HIRA: variants seen among roughly 807,000 people sequenced by gnomAD.
HIRA encodes the protein protein HIRA.
Under a neutral mutation model 126.6 loss-of-function variants are expected in HIRA, and 13 were observed. That is an observed-to-expected ratio of 0.10 (90% confidence interval 0.07 to 0.16). HIRA has a LOEUF of 0.16. HIRA is among the 10% of genes least tolerant of loss of function. HIRA has a pLI of 1.00. For missense variants in HIRA, 834 were observed against 1,314.4 expected (o/e 0.63, Z 5.65); for synonymous variants, 511 against 520.0 (o/e 0.98, Z 0.24).
At position 19,387,693 on chromosome 22, in the gene HIRA, C is replaced by T; in HGVS notation, c.1113+18G>A. On this transcript the variant is annotated intron_variant, in intron 11 of 24. Transcript: ENST00000263208. ...AATGGCCACAGAGCACCCAGCAGCA[C>T]AAGAGCCGTCAGCCTACCTTCTCCT... 6.2e-7 allele frequency: 1 copy of T among 1,605,198 alleles called. No individual in the cohort carries two copies. The highest frequency in any genetic ancestry group is 8.5e-7 in the Non-Finnish European group (1 of 1,172,774).
At chr22:19,331,648 G>C in intron 24 of HIRA, 92 bp from the exon 25 acceptor site, 1 of 1,182,016 alleles carries the variant, frequency 8.5e-7, no homozygotes, top group Non-Finnish European at 1.2e-6. Context: ...CCTTGTGTCT[G>C]CTCACGGGAG....
intron 13 of HIRA, among the ~76,000 whole-genome samples, chr22:19,379,647 A>G (rs1357036053): frequency 2.0e-5 from 3 of 149,740 alleles, no homozygotes; most frequent in Non-Finnish European, 3.0e-5. Context: ...AAAAAAAGAA[A>G]TACTTGATTT....
intron 6 of HIRA, 134 bp from the exon 7 acceptor site, chr22:19,397,081 C>CAGAA: frequency 1.4e-6 from 1 of 724,488 alleles, no homozygotes; most frequent in South Asian, 1.8e-5. Context: ...CAGACAGAAG[C>CAGAA]AGAAGGGCCT....
chr22:19,356,873 C>T lies in HIRA; in HGVS notation c.2396+17G>A. On this transcript the variant is annotated intron_variant, in intron 19 of 24. Transcript: ENST00000263208. ...TGCCCTGGCTGAAGCCCACCCCACC[C>T]TGTGCCTGCCTCTCACCAGACAGAG... is the stretch of plus-strand genomic sequence containing the variant. 1 of 1,612,922 alleles carries T rather than the reference C, an allele frequency of 6.2e-7. No individual in the cohort carries two copies. The highest frequency in any genetic ancestry group is 1.7e-5 in the Admixed American group (1 of 59,984).
At chr22:19,357,136 T>C in intron 18 of HIRA, 85 bp from the exon 19 acceptor site, 2 of 1,505,060 alleles carry the variant, frequency 1.3e-6, no homozygotes, top group Admixed American at 1.7e-5. Context: ...GCCTTCCCTC[T>C]GCCTGGGCCC....
chr22:19,409,879 G>A (rs2089338190), intron 2 of HIRA, among the ~76,000 whole-genome samples: 1 of 150,618 alleles, frequency 6.6e-6, no homozygotes, highest in Non-Finnish European at 1.5e-5. Context: ...CCACAGCATG[G>A]AAGGAGAGAA....
At chr22:19,356,831 C>T in intron 19 of HIRA, 59 bp downstream of exon 19, 2 of 1,540,470 alleles carry the variant, frequency 1.3e-6, no homozygotes, top group Non-Finnish European at 8.9e-7. Context: ...TGAGGTGGGG[C>T]CTACACAGCC....
At chr22:19,423,211 TC>T (rs1044807003) in intron 1 of HIRA, among the ~76,000 whole-genome samples, 49 of 152,204 alleles carry the variant, frequency 3.2e-4, no homozygotes, top group Middle Eastern at 6.8e-3. Flanking sequence ...AACCCGTCTA[TC>T]CCCCGCCTCT....
intron 1 of HIRA, among the ~76,000 whole-genome samples, chr22:19,428,165 A>C (rs2089503018): frequency 6.6e-6 from 1 of 152,226 alleles, no homozygotes; most frequent in African/African-American, 2.4e-5. Flanking sequence ...TTTTGAACCC[A>C]GTCTGATTCC....
intron 1 of HIRA, among the ~76,000 whole-genome samples, chr22:19,424,010 A>G (rs996748249): frequency 1.3e-5 from 2 of 152,200 alleles, no homozygotes; most frequent in African/African-American, 4.8e-5. Context: ...CAACTCTACC[A>G]GCCAAGGACA....
chr22:19,388,100 G>A (rs1448961010), intron 10 of HIRA, among the ~76,000 whole-genome samples: 1 of 151,948 alleles, frequency 6.6e-6, no homozygotes, highest in Admixed American at 6.6e-5. Flanking sequence ...TCTTACTTTT[G>A]AAACTATTAA....
chr22:19,360,627 C>A (rs2088854310), intron 17 of HIRA, among the ~76,000 whole-genome samples: 1 of 152,124 alleles, frequency 6.6e-6, no homozygotes, highest in African/African-American at 2.4e-5. Flanking sequence ...AGCTGAGGTA[C>A]AAGGGTATGC....
At chr22:19,418,569 T>C (rs2089417869) in intron 1 of HIRA, among the ~76,000 whole-genome samples, 1 of 135,364 alleles carries the variant, frequency 7.4e-6, no homozygotes, top group African/African-American at 2.9e-5. Flanking sequence ...GAGGCGGAGC[T>C]TGCAGTGAGC....
chr22:19,353,533 G>A lies in HIRA; in HGVS notation c.2685-14C>T, dbSNP rs781878303. ...TGCCTTCCCGAGCTGCAGAGACCAG[G>A]AGAGTTTCCATGATGGGGCAGCAGG... On this transcript the variant is annotated splice_polypyrimidine_tract_variant and intron_variant, in intron 22 of 24. Transcript: ENST00000263208. The A allele has an allele frequency of 1.9e-6, 3 of 1,589,326 alleles. No individual in the cohort carries two copies. Among genetic ancestry groups the A allele is most frequent in the Non-Finnish European group, 2.6e-6 (3 of 1,168,596 alleles).
intron 1 of HIRA, among the ~76,000 whole-genome samples, chr22:19,428,112 TAG>T (rs2089502439): frequency 1.3e-5 from 2 of 152,306 alleles, no homozygotes; most frequent in Admixed American, 1.3e-4. Flanking sequence ...GGCCCAGAAG[TAG>T]AGTTATAAGT....
intron 15 of HIRA, among the ~76,000 whole-genome samples, chr22:19,366,269 G>C (rs2088911955): frequency 2.6e-5 from 4 of 151,898 alleles, no homozygotes; most frequent in Admixed American, 2.6e-4. Flanking sequence ...GGCTGAGGCA[G>C]GAGAATGGCG....
At chr22:19,339,504 A>G (rs1556007040) in intron 24 of HIRA, among the ~76,000 whole-genome samples, 1 of 152,082 alleles carries the variant, frequency 6.6e-6, no homozygotes, top group African/African-American at 2.4e-5. Flanking sequence ...GGGTGTGGTG[A>G]CGCATGCCTG....
chr22:19,429,309 T>C lies in HIRA; in HGVS notation c.37+2131A>G, dbSNP rs181891592. ...CGTACCACCACGCCCAGCTAATTTT[T>C]GTATTTTTAGTAGAGACGGGGTTTC... On this transcript the variant is annotated intron_variant, in intron 1 of 24. Coordinates refer to ENST00000263208, the MANE Select transcript of HIRA (RefSeq NM_003325.4). Among the ~76,000 whole-genome samples the C allele has an allele frequency of 3.4e-3, 517 of 152,166 alleles. 1 individual carries two copies. The highest frequency in any genetic ancestry group is 5.0e-3 in the Non-Finnish European group (337 of 67,986).
rs373842202 is a variant in HIRA at position 19,431,484 on chromosome 22, C to T, written c.-8G>A. On this transcript the variant is annotated 5_prime_UTR_variant, in exon 1 of 25. Transcript: ENST00000263208. ...CGGCTTCAGGAGCTTCATTGTTCGG[C>T]CGCCGCCGCCGCCGGGCTGAGGCGA... 81 of 1,552,200 alleles carry T rather than the reference C, an allele frequency of 5.2e-5. No homozygotes were observed. In the African/African-American group the frequency reaches 9.1e-4, roughly 17 times the overall value.
Sources: allele counts gnomAD v4.1 joint callset (sites outside exome capture counted in the v4.1 genomes callset), GRCh38; gene constraint gnomAD v4.1.1; transcripts MANE v1.5; gene names NCBI Gene and HGNC (gene_info 2026-07-23, HGNC 2026-07-21).